The following MFSD8 variants were observed in gnomAD, a reference collection of about 807,000 sequenced individuals.
The protein encoded by MFSD8 is major facilitator superfamily domain containing 8, also known as major facilitator superfamily domain-containing protein 8.
A neutral mutation model predicts 66.4 loss-of-function variants in MFSD8; 55 were observed. The ratio of observed to expected loss-of-function variants is 0.83; its 90% CI spans 0.67 to 1.04. MFSD8 has a LOEUF of 1.04. MFSD8 is among the 50% of genes least tolerant of loss of function. MFSD8 has a pLI of 0.00. For synonymous variants in MFSD8, 202 were observed against 212.8 expected, an observed-to-expected ratio of 0.95 and a Z score of 0.44; for missense variants, 550 against 627.6, an observed-to-expected ratio of 0.88 and a Z score of 1.32.
At chr4:127,964,040 G>A (rs1223840468) in intron 1 of MFSD8, among the ~76,000 whole-genome samples, 2 of 152,204 alleles carry the variant, frequency 1.3e-5, no homozygotes, top group Non-Finnish European at 2.9e-5. Flanking sequence ...CCCTGAGCTA[G>A]ACACAGGGTG....
At position 127,920,624 on chromosome 4, in the gene MFSD8, G is replaced by A; in HGVS notation, c.*6C>T. The stretch of plus-strand genomic sequence containing the variant: ...GCAAGTAGTTTCCATCACAGTCTTA[G>A]CTAGTTTATTCCTGAATCCTCCCAT... On this transcript the variant is annotated 3_prime_UTR_variant, in exon 12 of 12. Transcript: ENST00000641686. 3 of 1,613,686 alleles carry A rather than the reference G, an allele frequency of 1.9e-6. No homozygotes were observed. Among genetic ancestry groups the A allele is most frequent in the Non-Finnish European group, 2.5e-6 (3 of 1,179,880 alleles).
At position 127,926,141 on chromosome 4, in the gene MFSD8, G is replaced by A. The variant is rs184262390; in HGVS notation, c.999-4178C>T. ...AGGAGAAATACCTAATGTAGATGAT[G>A]GGTTGATGGGTGCAGCAAACCACCA... On this transcript the variant is annotated intron_variant, in intron 9 of 11. Transcript: ENST00000641686. 2.6e-5 allele frequency among the ~76,000 whole-genome samples: 4 copies of A among 151,248 alleles called. No homozygotes were observed. The East Asian group carries it at 7.9e-4, about 30-fold the overall frequency.
intron 5 of MFSD8, among the ~76,000 whole-genome samples, chr4:127,940,598 A>G (rs1027856816): frequency 2.2e-5 from 3 of 138,576 alleles, no homozygotes; most frequent in Non-Finnish European, 4.7e-5. Context: ...AAGTAAAATG[A>G]AAAAAAAAAA....
chr4:127,961,401 G>A (rs2148986031), intron 1 of MFSD8, among the ~76,000 whole-genome samples: 1 of 152,114 alleles, frequency 6.6e-6, no homozygotes, highest in South Asian at 2.1e-4. Context: ...TCAAAGCTAA[G>A]AGTATGAAAA....
At chr4:127,936,483 T>C (rs984318666) in intron 7 of MFSD8, among the ~76,000 whole-genome samples, 3 of 151,604 alleles carry the variant, frequency 2.0e-5, no homozygotes, top group African/African-American at 7.3e-5. Flanking sequence ...CCTAGCACTT[T>C]GGGAGGCCCA....
intron 1 of MFSD8, among the ~76,000 whole-genome samples, chr4:127,959,190 C>T (rs551991443): frequency 1.3e-5 from 2 of 152,238 alleles, no homozygotes; most frequent in South Asian, 2.1e-4. Flanking sequence ...AAATGTTTGA[C>T]CAGGATCTAT....
chr4:127,920,870 A>G lies in MFSD8; in HGVS notation c.1351-34T>C, dbSNP rs1560716146. The G allele has an allele frequency of 3.1e-6, 5 of 1,595,200 alleles. No individual in the cohort carries two copies. In the East Asian group the frequency reaches 9.0e-5, roughly 29 times the overall value. ...GGTGAAATGGAGGACAAGCAGATTG[A>G]TATTGGGGTTTAGTTATTTAAAAGC... On this transcript the variant is annotated intron_variant, in intron 11 of 11. Coordinates refer to ENST00000641686, the MANE Select transcript of MFSD8 (RefSeq NM_001371596.2).
intron 2 of MFSD8, among the ~76,000 whole-genome samples, chr4:127,954,013 CACTTGT>C (rs1189226963): frequency 6.6e-6 from 1 of 151,882 alleles, no homozygotes; most frequent in Non-Finnish European, 1.5e-5. Context: ...GGAAAGAGAC[CACTTGT>C]AATATTAGTG....
intron 2 of MFSD8, among the ~76,000 whole-genome samples, chr4:127,952,238 T>C (rs1742109530): frequency 6.6e-6 from 1 of 151,476 alleles, no homozygotes; most frequent in Admixed American, 6.6e-5. Context: ...ACCCTGTCTC[T>C]ACTAAAAATA....
intron 1 of MFSD8, among the ~76,000 whole-genome samples, chr4:127,963,495 A>G (rs1382964816): frequency 1.3e-5 from 2 of 151,924 alleles, no homozygotes; most frequent in African/African-American, 4.8e-5. Context: ...GTTCCTTCTG[A>G]TGCTCAGATG....
rs1281041402 is a variant in MFSD8, at chr4:127,920,500, GTTC to G, written c.*127_*129del. 1.2e-6 allele frequency: 1 copy of G among 861,796 alleles called. No individual in the cohort carries two copies. The highest frequency in any genetic ancestry group is 2.4e-5 in the East Asian group (1 of 41,156). The allele number at this position is 861,796 out of a possible 1,614,324, so 53.4% of individuals were successfully genotyped here. On this transcript the variant is annotated 3_prime_UTR_variant, in exon 12 of 12. Coordinates refer to ENST00000641686, the MANE Select transcript of MFSD8 (RefSeq NM_001371596.2). Reference sequence around the variant, plus strand: ...GAATTCTCTCTGTTATTCAACATATGTTCTTGTTCTTCAAAATCTGCAATATCT... The same window carrying G: ...GAATTCTCTCTGTTATTCAACATATGTTGTTCTTCAAAATCTGCAATATCT...
At chr4:127,942,903 G>A (rs1194016852) in intron 4 of MFSD8, among the ~76,000 whole-genome samples, 1 of 152,116 alleles carries the variant, frequency 6.6e-6, no homozygotes, top group Non-Finnish European at 1.5e-5. Flanking sequence ...TATTTTTAAA[G>A]TATCATTAAT....
At chr4:127,940,773 A>G (rs1349371264) in intron 5 of MFSD8, among the ~76,000 whole-genome samples, 1 of 149,824 alleles carries the variant, frequency 6.7e-6, no homozygotes, top group Non-Finnish European at 1.5e-5. Context: ...CAATTGGAAG[A>G]GTACTGGTTT....
chr4:127,929,322 C>CAAAAAAAAAAAAAA lies in MFSD8; in HGVS notation c.998+1347_998+1360dup, dbSNP rs543453360. Among the ~76,000 whole-genome samples the CAAAAAAAAAAAAAA allele has an allele frequency of 1.5e-3, 45 of 30,364 alleles. 13 individuals are homozygous for CAAAAAAAAAAAAAA. The highest frequency in any genetic ancestry group is 7.8e-3 in the African/African-American group (42 of 5,406). 19.9% of individuals were successfully genotyped at this position (30,364 alleles called of 152,430 possible). ...TGGGCAACAGAGCGAGACTCCGTCA[C>CAAAAAAAAAAAAAA]AAAAAAAAAAAAAAAAAAAAAAAAA... is the stretch of plus-strand genomic sequence containing the variant. On this transcript the variant is annotated intron_variant, in intron 9 of 11. Transcript: ENST00000641686.
At chr4:127,955,083 A>G (rs1425275870) in intron 2 of MFSD8, among the ~76,000 whole-genome samples, 1 of 152,236 alleles carries the variant, frequency 6.6e-6, no homozygotes, top group Non-Finnish European at 1.5e-5. Flanking sequence ...AAAAATTAAA[A>G]AATTAAAAAG....
intron 1 of MFSD8, among the ~76,000 whole-genome samples, chr4:127,959,646 T>C (rs1193863710): frequency 6.6e-6 from 1 of 152,234 alleles, no homozygotes; most frequent in Non-Finnish European, 1.5e-5. Flanking sequence ...GGTGTGTATG[T>C]ACCTGCCGAA....
intron 2 of MFSD8, 148 bp from the exon 3 acceptor site, chr4:127,949,995 T>C: frequency 1.7e-6 from 1 of 599,418 alleles, no homozygotes; most frequent in Non-Finnish European, 2.9e-6. Context: ...CAATGAGATT[T>C]TAATTATCAG....
chr4:127,957,493 ATACT>A lies in MFSD8; in HGVS notation c.154+4_154+7del. On this transcript the variant is annotated splice_donor_5th_base_variant and intron_variant, in intron 2 of 11. Transcript: ENST00000641686. ...GAATTGTTAAAATTATGTATTTCTA[ATACT>A]TACCTACACTGCTGAGAAACATAGT... is the stretch of plus-strand genomic sequence containing the variant. 1 of 1,566,442 alleles carries A rather than the reference ATACT, an allele frequency of 6.4e-7. No homozygotes were observed. Among genetic ancestry groups the A allele is most frequent in the Non-Finnish European group, 8.8e-7 (1 of 1,138,232 alleles).
intron 7 of MFSD8, 85 bp from the exon 8 acceptor site, chr4:127,933,178 G>GGCCGGGCGCGGTGGCT: frequency 9.1e-7 from 1 of 1,100,944 alleles, no homozygotes. Flanking sequence ...TTACATTGTA[G>GGCCGGGCGCGGTGGCT]CAAAATTTAT....
Sources: allele counts gnomAD v4.1 joint callset (sites outside exome capture counted in the v4.1 genomes callset), GRCh38; gene constraint gnomAD v4.1.1; transcripts MANE v1.5; gene names NCBI Gene and HGNC (gene_info 2026-07-23, HGNC 2026-07-21).